Variants in ZNF678 observed in about 807,000 individuals in gnomAD.
ZNF678 encodes the protein hypothetical protein MGC42493.
In ZNF678, 5 loss-of-function variants were observed where a neutral mutation model predicts 3.0. The observed-to-expected ratio is 1.69, with a 90% CI of 0.88 to 3.56. The LOEUF is 3.56. Ranked by LOEUF, ZNF678 falls within the 30% of genes most tolerant of loss-of-function variation. The pLI, the probability that ZNF678 is intolerant of heterozygous loss-of-function variation, is 0.00. For synonymous variants in ZNF678, 218 were observed against 199.6 expected (o/e 1.09, Z -0.78); for missense variants, 593 against 605.0 (o/e 0.98, Z 0.21).
intron 1 of ZNF678, chr1:227,598,920 C>A (rs1296483786): frequency 2.7e-6 from 2 of 744,102 alleles, no homozygotes; most frequent in East Asian, 2.7e-5. Context: ...AACAATTTCT[C>A]CCTGTCTCTT....
intron 1 of ZNF678, among the ~76,000 whole-genome samples, chr1:227,570,901 A>G (rs1656823084): frequency 6.6e-6 from 1 of 152,156 alleles, no homozygotes. Context: ...CACCTGTAAG[A>G]TTAAGTTTAG....
chr1:227,593,756 A>G (rs974158609), intron 1 of ZNF678, among the ~76,000 whole-genome samples: 1 of 151,898 alleles, frequency 6.6e-6, no homozygotes, highest in Non-Finnish European at 1.5e-5. Context: ...AGATGAAAAG[A>G]GTTACATTTT....
chr1:227,669,452 C>T (rs188527434), intron 5 of ZNF678, among the ~76,000 whole-genome samples: 23 of 151,530 alleles, frequency 1.5e-4, no homozygotes, highest in East Asian at 5.8e-4. Context: ...CTGGCTAACA[C>T]GGTGAAACCC....
chr1:227,581,042 A>G (rs1657118317), intron 1 of ZNF678, among the ~76,000 whole-genome samples: 1 of 152,166 alleles, frequency 6.6e-6, no homozygotes, highest in Admixed American at 6.5e-5. Context: ...ATAATTTTCA[A>G]AGTCTTCAAT....
At chr1:227,651,161 G>A in intron 3 of ZNF678, 85 bp downstream of exon 3, 1 of 1,472,544 alleles carries the variant, frequency 6.8e-7, no homozygotes, top group South Asian at 1.3e-5. Context: ...TGAGTCCTAA[G>A]GTTGTTGGCA....
chr1:227,678,417 C>G (rs553517792), downstream of ZNF678, among the ~76,000 whole-genome samples: 1 of 152,318 alleles, frequency 6.6e-6, no homozygotes, highest in South Asian at 2.1e-4. Flanking sequence ...AGAGCAATAT[C>G]CTTGTTCTCT....
intron 5 of ZNF678, among the ~76,000 whole-genome samples, chr1:227,669,537 T>C (rs6426472): frequency 0.22 from 32,743 of 151,336 alleles, 3,912 homozygotes; most frequent in African/African-American, 0.32. Context: ...TAGTCCCAGC[T>C]ACTCAGGAGG....
chr1:227,677,666 T>C (rs186173175), downstream of ZNF678, among the ~76,000 whole-genome samples: 2 of 152,316 alleles, frequency 1.3e-5, no homozygotes, highest in African/African-American at 4.8e-5. Context: ...AGGTTTTAAC[T>C]TGTGGGAATT....
chr1:227,669,476 A>AATAT (rs143744045), intron 5 of ZNF678, among the ~76,000 whole-genome samples: 8 of 151,272 alleles, frequency 5.3e-5, no homozygotes, highest in Admixed American at 6.6e-5. Flanking sequence ...CTCTACTAAA[A>AATAT]ATATATATAT....
chr1:227,573,152 A>T (rs1227978811), intron 1 of ZNF678, among the ~76,000 whole-genome samples: 1 of 152,210 alleles, frequency 6.6e-6, no homozygotes, highest in Non-Finnish European at 1.5e-5. Flanking sequence ...ACTCACACAC[A>T]TGGTTATTTA....
chr1:227,640,593 G>A (rs1474814630), intron 1 of ZNF678, among the ~76,000 whole-genome samples: 4 of 152,138 alleles, frequency 2.6e-5, no homozygotes, highest in Non-Finnish European at 4.4e-5. Context: ...TCCAGTTGTC[G>A]ACAATAATTG....
intron 1 of ZNF678, among the ~76,000 whole-genome samples, chr1:227,604,489 G>T (rs1438088943): frequency 6.6e-6 from 1 of 152,092 alleles, no homozygotes; most frequent in Non-Finnish European, 1.5e-5. Context: ...AATCTCAAAT[G>T]ATCTTCCTGC....
Position 227,658,589 on chromosome 1 carries a change from T to C in ZNF678, c.*2761T>C, listed in dbSNP as rs1659317585. The C allele has an allele frequency of 6.6e-6, 1 of 152,092 alleles. No homozygotes were observed. Among genetic ancestry groups the C allele is most frequent in the Non-Finnish European group, 1.5e-5 (1 of 67,968 alleles). 9.4% of individuals were successfully genotyped at this position (152,092 alleles called of 1,614,324 possible). ...ATAGCCCTTTCCCTTCTTTGCTTAT[T>C]ATGGCTACAGATTTCTCACTGTTCT... On this transcript the variant is annotated 3_prime_UTR_variant, in exon 4 of 4. Coordinates refer to ENST00000343776, the MANE Select transcript of ZNF678 (RefSeq NM_001367909.1).
chr1:227,570,913 G>A (rs1053512131), intron 1 of ZNF678, among the ~76,000 whole-genome samples: 1 of 152,082 alleles, frequency 6.6e-6, no homozygotes, highest in Non-Finnish European at 1.5e-5. Flanking sequence ...TAAGTTTAGT[G>A]CAGACAAAAG....
chr1:227,603,724 C>T (rs961862828), intron 1 of ZNF678, among the ~76,000 whole-genome samples: 1 of 152,190 alleles, frequency 6.6e-6, no homozygotes, highest in Non-Finnish European at 1.5e-5. Context: ...GGTCTGTTGA[C>T]AAAGCAGTAA....
intron 1 of ZNF678, among the ~76,000 whole-genome samples, chr1:227,566,709 G>A (rs1656695786): frequency 6.6e-6 from 1 of 152,164 alleles, no homozygotes; most frequent in African/African-American, 2.4e-5. Flanking sequence ...CACTTTATCA[G>A]TAGAGCTTGA....
intron 1 of ZNF678, among the ~76,000 whole-genome samples, chr1:227,612,567 C>T (rs770275786): frequency 1.8e-4 from 28 of 152,294 alleles, no homozygotes; most frequent in Non-Finnish European, 3.5e-4. Context: ...TACCTACATC[C>T]TTACTCTCAT....
chr1:227,635,517 G>T (rs1658654126), intron 1 of ZNF678, among the ~76,000 whole-genome samples: 1 of 98,858 alleles, frequency 1.0e-5, no homozygotes, highest in South Asian at 3.2e-4. Context: ...GTGAACATTT[G>T]TGTGTGTGTG....
chr1:227,646,011 T>C (rs1658947001), intron 1 of ZNF678, among the ~76,000 whole-genome samples: 1 of 152,246 alleles, frequency 6.6e-6, no homozygotes, highest in African/African-American at 2.4e-5. Flanking sequence ...AAGGCTCTTG[T>C]TTAATGGTCA....
Sources: gnomAD v4.1 joint callset for allele counts (sites outside exome capture counted in the v4.1 genomes callset) on GRCh38, gnomAD v4.1.1 for gene constraint, MANE v1.5 for transcripts, NCBI Gene and HGNC (gene_info 2026-07-23, HGNC 2026-07-21) for gene names.